UBASH3B: variants seen among roughly 807,000 people sequenced by gnomAD.
The protein encoded by UBASH3B is ubiquitin associated and SH3 domain containing B.
In UBASH3B, 37 loss-of-function variants were observed where a neutral mutation model predicts 83.4. The ratio of observed to expected loss-of-function variants is 0.44; its 90% CI spans 0.34 to 0.58. The LOEUF (loss-of-function observed/expected upper bound fraction) is 0.58, where lower values mean the gene tolerates loss of function less well. Ranked by LOEUF, UBASH3B falls within the 20% of genes least tolerant of loss-of-function variation. The probability of loss-of-function intolerance (pLI) is 0.01; values close to 1 mark genes in which losing one functional copy is unlikely to be tolerated. For missense variants in UBASH3B, 657 were observed against 827.2 expected, an observed-to-expected ratio of 0.79 and a Z score of 2.52; for synonymous variants, 304 against 318.3, an observed-to-expected ratio of 0.96 and a Z score of 0.48.
chr11:122,657,045 G>C (rs1863373999), intron 1 of UBASH3B, among the ~76,000 whole-genome samples: 2 of 152,196 alleles, frequency 1.3e-5, no homozygotes. Flanking sequence ...AGTCTCAGGG[G>C]CTGGAACTCT....
At chr11:122,667,209 G>T (rs891112017) in intron 1 of UBASH3B, among the ~76,000 whole-genome samples, 2 of 151,692 alleles carry the variant, frequency 1.3e-5, no homozygotes, top group Non-Finnish European at 2.9e-5. Context: ...ACCACACCTG[G>T]CTAATTTTTG....
chr11:122,675,652 A>G (rs1281245550), intron 1 of UBASH3B, among the ~76,000 whole-genome samples: 1 of 152,174 alleles, frequency 6.6e-6, no homozygotes, highest in African/African-American at 2.4e-5. Flanking sequence ...TGCAAGGAGC[A>G]CCTCTGATGA....
intron 1 of UBASH3B, among the ~76,000 whole-genome samples, chr11:122,716,017 A>G (rs908277991): frequency 1.3e-5 from 2 of 152,204 alleles, no homozygotes; most frequent in Admixed American, 6.5e-5. Context: ...TTCTCTTTCC[A>G]GTATTGGATT....
chr11:122,809,208 G>A (rs11825999), intron 13 of UBASH3B, among the ~76,000 whole-genome samples: 12,259 of 152,084 alleles, frequency 0.081, 1,174 homozygotes, highest in East Asian at 0.23. Flanking sequence ...CCACGTAGCT[G>A]GGATTACAGG....
chr11:122,655,807 G>A lies in UBASH3B; in HGVS notation c.-243G>A, dbSNP rs1396388321. The A allele has an allele frequency of 6.9e-6, 3 of 437,674 alleles. No homozygotes were observed. Among genetic ancestry groups the A allele is most frequent in the African/African-American group, 4.1e-5 (2 of 48,404 alleles). The allele number at this position is 437,674 out of a possible 1,614,324, so 27.1% of individuals were successfully genotyped here. On this transcript the variant is annotated 5_prime_UTR_variant, in exon 1 of 14. Coordinates refer to ENST00000284273, the MANE Select transcript of UBASH3B (RefSeq NM_032873.5). The stretch of plus-strand genomic sequence containing the variant: ...TGCAGGCGCAGAGCTGGGGGCAGCC[G>A]GGGGCCCGAGTGGCTGAGGCTGGTC...
chr11:122,771,386 C>T (rs1860639837), intron 1 of UBASH3B, among the ~76,000 whole-genome samples: 1 of 152,088 alleles, frequency 6.6e-6, no homozygotes, highest in African/African-American at 2.4e-5. Flanking sequence ...GCACCCACCA[C>T]CACGCCACCA....
chr11:122,749,295 G>A (rs1179323122), intron 1 of UBASH3B, among the ~76,000 whole-genome samples: 2 of 152,246 alleles, frequency 1.3e-5, no homozygotes, highest in East Asian at 1.9e-4. Flanking sequence ...CTGCATTCCA[G>A]AGCGAAACTG....
At chr11:122,808,565 C>T (rs373671119) in intron 13 of UBASH3B, among the ~76,000 whole-genome samples, 13 of 152,088 alleles carry the variant, frequency 8.5e-5, no homozygotes, top group East Asian at 1.9e-4. Flanking sequence ...GAAGGTAGGC[C>T]GAGGCATGCA....
At chr11:122,718,268 A>C (rs1045118645) in intron 1 of UBASH3B, among the ~76,000 whole-genome samples, 8 of 152,270 alleles carry the variant, frequency 5.3e-5, no homozygotes, top group Admixed American at 3.9e-4. Flanking sequence ...ATGCATACCT[A>C]CCTAGTCTAA....
rs369355668 is a variant in UBASH3B, at chr11:122,797,029, A to G, written c.1353A>G (p.Leu451=). 2.1e-5 allele frequency: 34 copies of G among 1,608,322 alleles called. No individual in the cohort carries two copies. Among genetic ancestry groups the G allele is most frequent in the East Asian group, 8.9e-5 (4 of 44,804 alleles). Residue 451 remains leucine (L), a synonymous_variant, in exon 9 of 14, where the codon CTA becomes CTG. Coordinates refer to ENST00000284273, the MANE Select transcript of UBASH3B (RefSeq NM_032873.5). The stretch of plus-strand genomic sequence containing the variant: ...TGTTTGGATGCATGCAAGCAAGACT[A>G]GTGGGTAAGTATCCTGGAGTGACTG... The part of the protein sequence containing the change: ...ITVFGCMQAR[L]VGEALLESNT...
rs545967354 is a variant in UBASH3B, at chr11:122,814,428, T to G, written c.*4542T>G. 4 of 152,662 alleles carry G rather than the reference T, an allele frequency of 2.6e-5. No homozygotes were observed. Among genetic ancestry groups the G allele is most frequent in the Non-Finnish European group, 4.4e-5 (3 of 68,038 alleles). The allele number at this position is 152,662 out of a possible 1,614,324, so 9.5% of individuals were successfully genotyped here. A position where few individuals can be genotyped will look rare whatever the true frequency, so the allele number is the denominator to read the frequency against. On this transcript the variant is annotated 3_prime_UTR_variant, in exon 14 of 14. Transcript: ENST00000284273. ...GATGCACCTTTCAGGAGCATCTCCA[T>G]TAAATGGTTCATAGATGATTTAATA...
In UBASH3B at chr11:122,730,611, T is replaced by C. The variant is rs74474900; in HGVS notation, c.162-45608T>C. On this transcript the variant is annotated intron_variant, in intron 1 of 13. Coordinates refer to ENST00000284273, the MANE Select transcript of UBASH3B (RefSeq NM_032873.5). ...GGATTCTTTTTTTTTTTTTTTTTAA[T>C]TGAGACAGAGTTTTGCTCTTGTTGC... Among the ~76,000 whole-genome samples the C allele has an allele frequency of 2.5e-3, 383 of 151,464 alleles. 6 individuals carry two copies. In the East Asian group the frequency reaches 0.034, roughly 13 times the overall value.
At chr11:122,736,004 A>G (rs1860926284) in intron 1 of UBASH3B, among the ~76,000 whole-genome samples, 2 of 152,216 alleles carry the variant, frequency 1.3e-5, no homozygotes, top group African/African-American at 2.4e-5. Context: ...TGGATGGTGT[A>G]TAAAATGGGA....
At chr11:122,700,446 A>G (rs563587650) in intron 1 of UBASH3B, among the ~76,000 whole-genome samples, 47 of 150,580 alleles carry the variant, frequency 3.1e-4, no homozygotes, top group African/African-American at 1.0e-3. Flanking sequence ...ACATTTTTCA[A>G]TGTAAATGTT....
At chr11:122,798,735 A>C (rs1861197505) in intron 9 of UBASH3B, among the ~76,000 whole-genome samples, 1 of 151,488 alleles carries the variant, frequency 6.6e-6, no homozygotes, top group Non-Finnish European at 1.5e-5. Context: ...AGACAAGACA[A>C]GAAGGGCTCT....
At chr11:122,694,534 G>A (rs144771485) in intron 1 of UBASH3B, among the ~76,000 whole-genome samples, 28 of 152,178 alleles carry the variant, frequency 1.8e-4, no homozygotes, top group African/African-American at 6.3e-4. Flanking sequence ...AATAGGCACT[G>A]CAGTCCAGTC....
intron 9 of UBASH3B, 46 bp downstream of exon 9, chr11:122,797,079 C>A (rs753401297): frequency 1.9e-6 from 3 of 1,542,128 alleles, no homozygotes; most frequent in Non-Finnish European, 2.6e-6. Flanking sequence ...CTTGCCTCCT[C>A]CTTCAAAACA....
chr11:122,716,889 G>C (rs1224594666), intron 1 of UBASH3B, among the ~76,000 whole-genome samples: 1 of 152,090 alleles, frequency 6.6e-6, no homozygotes, highest in Non-Finnish European at 1.5e-5. Context: ...GTCGGTCATG[G>C]CTCTTCTAGC....
At chr11:122,767,574 G>C (rs1452402191) in intron 1 of UBASH3B, among the ~76,000 whole-genome samples, 2 of 152,296 alleles carry the variant, frequency 1.3e-5, no homozygotes, top group Middle Eastern at 3.4e-3. Context: ...GCCTCCCAAA[G>C]TGCTGGGATT....
Sources: gnomAD v4.1 joint callset for allele counts (sites outside exome capture counted in the v4.1 genomes callset) on GRCh38, gnomAD v4.1.1 for gene constraint, MANE v1.5 for transcripts, NCBI Gene and HGNC (gene_info 2026-07-23, HGNC 2026-07-21) for gene names.